Variants in CNNM3 observed in about 807,000 individuals in gnomAD.
CNNM3 encodes cyclin and CBS domain divalent metal cation transport mediator 3.
CNNM3 carries 47 observed loss-of-function variants against 57.1 expected under a neutral mutation model. That is an observed-to-expected ratio of 0.82 (90% confidence interval 0.65 to 1.05). The LOEUF (loss-of-function observed/expected upper bound fraction) is 1.05. Among genes scored for constraint, CNNM3 ranks in the 50% least tolerant of loss-of-function variants. CNNM3 has a pLI of 0.00. For synonymous variants in CNNM3, 507 were observed against 478.2 expected (o/e 1.06, Z -0.79); for missense variants, 957 against 973.7 (o/e 0.98, Z 0.23).
chr2:96,824,895 T>A (rs936497257), intron 1 of CNNM3, 163 bp from the exon 2 acceptor site: 3 of 719,612 alleles, frequency 4.2e-6, no homozygotes, highest in Non-Finnish European at 6.9e-6. Flanking sequence ...ATAATCACGC[T>A]GGGAGTCTTA....
At chr2:96,820,535 G>T (rs2079390000) in intron 1 of CNNM3, among the ~76,000 whole-genome samples, 1 of 152,182 alleles carries the variant, frequency 6.6e-6, no homozygotes, top group African/African-American at 2.4e-5. Flanking sequence ...GGAGAAGCTG[G>T]CCAGGAGGAG....
intron 5 of CNNM3, 149 bp from the exon 6 acceptor site, chr2:96,828,418 T>C (rs1431343184): frequency 3.8e-6 from 4 of 1,047,526 alleles, no homozygotes; most frequent in Non-Finnish European, 5.6e-6. Flanking sequence ...CCGGCTGTGT[T>C]TGTCCTTCTC....
At chr2:96,829,913 G>C (rs756270925) in intron 7 of CNNM3, among the ~76,000 whole-genome samples, 1 of 152,174 alleles carries the variant, frequency 6.6e-6, no homozygotes, top group Non-Finnish European at 1.5e-5. Context: ...GGGCATTTGT[G>C]AAGAGTTTGG....
In CNNM3 at chr2:96,816,680, TG is replaced by T; in HGVS notation, c.406del (p.Ala136LeufsTer21). On this transcript the variant is annotated frameshift_variant, in exon 1 of 8. Coordinates refer to ENST00000305510, the MANE Select transcript of CNNM3 (RefSeq NM_017623.5). LOFTEE classifies it high-confidence loss of function. ...GGAAEEAAPP[W>X]ALGLGAAGLL... The stretch of plus-strand genomic sequence containing the variant: ...GGCGGCTGAGGAGGCGGCGCCGCCC[TG>T]GGCTCTGGGCCTGGGGGCGGCCGGG... 9.8e-7 allele frequency: 1 copy of T among 1,022,606 alleles called. No homozygotes were observed. The highest frequency in any genetic ancestry group is 1.2e-6 in the Non-Finnish European group (1 of 856,334). The allele number at this position is 1,022,606 out of a possible 1,614,324, so 63.3% of individuals were successfully genotyped here. A position where few individuals can be genotyped will look rare whatever the true frequency, so the allele number is the denominator to read the frequency against.
chr2:96,822,810 A>T (rs2079430204), intron 1 of CNNM3, among the ~76,000 whole-genome samples: 1 of 152,266 alleles, frequency 6.6e-6, no homozygotes, highest in Non-Finnish European at 1.5e-5. Flanking sequence ...AACTGTTATT[A>T]ACATCATAGA....
intron 1 of CNNM3, among the ~76,000 whole-genome samples, chr2:96,818,815 T>C (rs1025339273): frequency 2.0e-5 from 3 of 152,098 alleles, no homozygotes; most frequent in African/African-American, 7.2e-5. Flanking sequence ...CCCCAGGGTG[T>C]TGGATGGACT....
chr2:96,826,103 A>T (rs1193244062), intron 2 of CNNM3, among the ~76,000 whole-genome samples: 1 of 152,248 alleles, frequency 6.6e-6, no homozygotes, highest in Non-Finnish European at 1.5e-5. Context: ...TGAGACTGCC[A>T]TAGGCATGGG....
chr2:96,835,991 C>A (rs938995089), downstream of CNNM3, among the ~76,000 whole-genome samples: 3 of 152,000 alleles, frequency 2.0e-5, no homozygotes, highest in Non-Finnish European at 4.4e-5. Flanking sequence ...TGGATTGTTT[C>A]TTCTGTTGAG....
rs891017857 is a variant in CNNM3 at position 96,828,250 on chromosome 2, C to T, written c.1786+55C>T. ...CCAGGGTGGAGGCTGCAGAGCCTGT[C>T]CCCCATCATCACTTGGGCTCTCAGT... On this transcript the variant is annotated intron_variant, in intron 5 of 7. Coordinates refer to ENST00000305510, the MANE Select transcript of CNNM3 (RefSeq NM_017623.5). 9.3e-6 allele frequency: 13 copies of T among 1,402,182 alleles called. No individual in the cohort carries two copies. In the East Asian group the frequency reaches 1.6e-4, roughly 17 times the overall value. 86.9% of individuals were successfully genotyped at this position (1,402,182 alleles called of 1,614,324 possible). A position where few individuals can be genotyped will look rare whatever the true frequency, so the allele number is the denominator to read the frequency against.
At chr2:96,827,091 C>G in intron 3 of CNNM3, 109 bp downstream of exon 3, 1 of 1,256,140 alleles carries the variant, frequency 8.0e-7, no homozygotes, top group Non-Finnish European at 1.1e-6. Flanking sequence ...CAGGCGGGTG[C>G]GTCTTGAGGA....
At chr2:96,821,643 T>C (rs2079408052) in intron 1 of CNNM3, among the ~76,000 whole-genome samples, 2 of 148,780 alleles carry the variant, frequency 1.3e-5, no homozygotes, top group African/African-American at 2.6e-5. Flanking sequence ...AATGGAGTTA[T>C]GTCCTGATAA....
chr2:96,830,097 G>A (rs2079575958), intron 7 of CNNM3, among the ~76,000 whole-genome samples: 1 of 152,206 alleles, frequency 6.6e-6, no homozygotes, highest in Non-Finnish European at 1.5e-5. Context: ...GGTAGGAGTG[G>A]TGAAGGGTTT....
At position 96,825,014 on chromosome 2, in the gene CNNM3, G is replaced by GC. The variant is rs373282516; in HGVS notation, c.1226-44_1226-43insC. On this transcript the variant is annotated intron_variant, in intron 1 of 7. Transcript: ENST00000305510. ...ATACCAGGGGAGATGAATCAAACTG[G>GC]GGGGGGCCCAGCAAGCTGTTCCATG... 2.4e-5 allele frequency: 39 copies of GC among 1,608,456 alleles called. 1 individual carries two copies. The highest frequency in any genetic ancestry group is 4.4e-5 in the South Asian group (4 of 90,592).
chr2:96,816,956 G>A lies in CNNM3; in HGVS notation c.679G>A (p.Gly227Ser), dbSNP rs1247412393. The change falls in exon 1 of 8, where the codon GGC (glycine) becomes AGC (serine). Residue 227 changes from glycine (G) to serine (S), a missense_variant. Coordinates refer to ENST00000305510, the MANE Select transcript of CNNM3 (RefSeq NM_017623.5). Reference protein sequence around the residue: ...AGQRAVPAVLGSAGLVFLVGE... With the variant: ...AGQRAVPAVLSSAGLVFLVGE... ...CCAGCGTGCGGTGCCCGCCGTGTTG[G>A]GCAGCGCGGGGCTCGTGTTCCTGGT... 16 of 1,313,806 alleles carry A rather than the reference G, an allele frequency of 1.2e-5. No individual in the cohort carries two copies. The East Asian group carries it at 3.6e-4, about 29-fold the overall frequency. The allele number at this position is 1,313,806 out of a possible 1,614,324, so 81.4% of individuals were successfully genotyped here.
Position 96,833,107 on chromosome 2 carries a change from T to C in CNNM3, c.*491T>C. On this transcript the variant is annotated 3_prime_UTR_variant, in exon 8 of 8. Coordinates refer to ENST00000305510, the MANE Select transcript of CNNM3 (RefSeq NM_017623.5). ...CATTTTGGCTGGGGGTTCAGATCGA[T>C]GGCCTTGTCCATGTTGTCCTTTCTG... The C allele has an allele frequency of 1.1e-6, 1 of 927,900 alleles. No individual in the cohort carries two copies. Among genetic ancestry groups the C allele is most frequent in the Non-Finnish European group, 1.5e-6 (1 of 666,066 alleles). 57.5% of individuals were successfully genotyped at this position (927,900 alleles called of 1,614,324 possible).
intron 1 of CNNM3, among the ~76,000 whole-genome samples, chr2:96,819,872 T>G (rs1369296764): frequency 6.6e-6 from 1 of 152,204 alleles, no homozygotes; most frequent in Non-Finnish European, 1.5e-5. Flanking sequence ...ACCGCCAGTG[T>G]CAGGATCTTC....
At chr2:96,830,526 A>AT (rs911001604) in intron 7 of CNNM3, among the ~76,000 whole-genome samples, 8 of 152,252 alleles carry the variant, frequency 5.3e-5, no homozygotes. Context: ...GTGAGGTCAC[A>AT]TGCAGGTGCA....
At chr2:96,820,044 TACTTGATCACCAGGGCCATGAGCATC>T (rs1463163317) in intron 1 of CNNM3, among the ~76,000 whole-genome samples, 1 of 152,188 alleles carries the variant, frequency 6.6e-6, no homozygotes, top group Non-Finnish European at 1.5e-5. Context: ...AAGGAACTTG[TACTTGATCACCAGGGCCATGAGCATC>T]AAGCAGCAGC....
chr2:96,819,046 T>C (rs2079367723), intron 1 of CNNM3, among the ~76,000 whole-genome samples: 1 of 152,070 alleles, frequency 6.6e-6, no homozygotes. Context: ...GCAGGAGGCC[T>C]GGGTGCTAAG....
Sources: gnomAD v4.1 joint callset for allele counts (sites outside exome capture counted in the v4.1 genomes callset) on GRCh38, gnomAD v4.1.1 for gene constraint, MANE v1.5 for transcripts, NCBI Gene and HGNC (gene_info 2026-07-23, HGNC 2026-07-21) for gene names.